The following ZNF280D variants were observed in gnomAD, a reference collection of about 807,000 sequenced individuals.
ZNF280D encodes zinc finger protein 280D, also known as suppressor of hairy wing homolog 4.
ZNF280D carries 39 observed loss-of-function variants against 94.7 expected under a neutral mutation model. The ratio of observed to expected loss-of-function variants is 0.41; its 90% CI spans 0.32 to 0.54. The LOEUF is 0.54. ZNF280D is among the 20% of genes least tolerant of loss of function. The pLI, the probability that ZNF280D is intolerant of heterozygous loss-of-function variation, is 0.22. For missense variants in ZNF280D, 1,090 were observed against 1,149.3 expected (o/e 0.95, Z 0.75); for synonymous variants, 398 against 377.6 (o/e 1.05, Z -0.63).
At chr15:56,681,160 A>G (rs1024516490) in intron 10 of ZNF280D, among the ~76,000 whole-genome samples, 3 of 152,242 alleles carry the variant, frequency 2.0e-5, no homozygotes, top group African/African-American at 7.2e-5. Context: ...TAACTGTTAT[A>G]GGTGTATATC....
At chr15:56,640,875 C>G (rs1475325055) in intron 20 of ZNF280D, among the ~76,000 whole-genome samples, 1 of 152,136 alleles carries the variant, frequency 6.6e-6, no homozygotes, top group Non-Finnish European at 1.5e-5. Context: ...CTGCTTTAAA[C>G]TATTTCATAT....
At chr15:56,642,178 A>C (rs975801512) in intron 20 of ZNF280D, among the ~76,000 whole-genome samples, 5 of 151,786 alleles carry the variant, frequency 3.3e-5, no homozygotes. Context: ...AGATTAAAAA[A>C]TTTAAAAACC....
intron 1 of ZNF280D, among the ~76,000 whole-genome samples, chr15:56,711,978 T>C (rs2057783258): frequency 6.6e-6 from 1 of 152,166 alleles, no homozygotes; most frequent in African/African-American, 2.4e-5. Context: ...AATCACTAGG[T>C]AATAGGAATT....
At chr15:56,681,483 T>A (rs1486782397) in intron 10 of ZNF280D, among the ~76,000 whole-genome samples, 3 of 152,180 alleles carry the variant, frequency 2.0e-5, no homozygotes, top group African/African-American at 7.2e-5. Flanking sequence ...AAGGGTCCAA[T>A]GTGAAATTTT....
intron 3 of ZNF280D, 27 bp downstream of exon 3, chr15:56,707,055 A>C (rs1567015948): frequency 6.2e-7 from 1 of 1,608,516 alleles, no homozygotes; most frequent in Non-Finnish European, 8.5e-7. Flanking sequence ...CACATATATT[A>C]GTATTAGTTG....
At chr15:56,683,261 A>G (rs910689773) in intron 9 of ZNF280D, among the ~76,000 whole-genome samples, 1 of 152,152 alleles carries the variant, frequency 6.6e-6, no homozygotes, top group Non-Finnish European at 1.5e-5. Context: ...CTTGTAGTGA[A>G]TTAGGGTGAA....
chr15:56,686,027 A>G (rs1566980536), intron 9 of ZNF280D, among the ~76,000 whole-genome samples: 1 of 152,256 alleles, frequency 6.6e-6, no homozygotes, highest in African/African-American at 2.4e-5. Context: ...AATGGAAACC[A>G]TAACAGGGGT....
intron 6 of ZNF280D, chr15:56,699,196 C>T (rs1443128564): frequency 5.4e-6 from 1 of 185,044 alleles, no homozygotes; most frequent in Non-Finnish European, 1.0e-5. Flanking sequence ...CAGGCCAACA[C>T]AAATAAATAA....
intron 9 of ZNF280D, among the ~76,000 whole-genome samples, chr15:56,682,934 A>C (rs1052388982): frequency 6.6e-6 from 1 of 152,066 alleles, no homozygotes; most frequent in Non-Finnish European, 1.5e-5. Flanking sequence ...AAATATACAA[A>C]AATTATATAA....
chr15:56,640,110 T>G (rs2052555790), intron 20 of ZNF280D, among the ~76,000 whole-genome samples: 1 of 151,602 alleles, frequency 6.6e-6, no homozygotes, highest in African/African-American at 2.4e-5. Flanking sequence ...TCCAGAAAAA[T>G]AACATAAGGT....
intron 4 of ZNF280D, among the ~76,000 whole-genome samples, chr15:56,703,175 A>G (rs1471431265): frequency 6.6e-6 from 1 of 152,200 alleles, no homozygotes; most frequent in Admixed American, 6.5e-5. Flanking sequence ...TCTCTAATTC[A>G]AAGCTAATAA....
intron 17 of ZNF280D, among the ~76,000 whole-genome samples, chr15:56,655,368 T>G (rs1300482840): frequency 6.6e-6 from 1 of 152,078 alleles, no homozygotes; most frequent in Non-Finnish European, 1.5e-5. Context: ...CTACCACACC[T>G]GGCTAATTTT....
intron 17 of ZNF280D, among the ~76,000 whole-genome samples, chr15:56,657,711 G>T (rs1212446420): frequency 1.3e-5 from 2 of 152,114 alleles, no homozygotes; most frequent in Admixed American, 1.3e-4. Flanking sequence ...TAATCAAAAA[G>T]AGATAATAAA....
At chr15:56,641,838 A>G (rs2052643466) in intron 20 of ZNF280D, among the ~76,000 whole-genome samples, 1 of 151,828 alleles carries the variant, frequency 6.6e-6, no homozygotes, top group Non-Finnish European at 1.5e-5. Context: ...GAGTATAGGA[A>G]ATGGTAAAAA....
At chr15:56,700,326 TA>T in intron 6 of ZNF280D, 2 of 470,124 alleles carry the variant, frequency 4.3e-6, no homozygotes, top group Non-Finnish European at 5.6e-6. Flanking sequence ...TTTCCTCAAC[TA>T]AAAAATGAGG....
chr15:56,673,597 C>T (rs1326077017), intron 13 of ZNF280D, among the ~76,000 whole-genome samples: 1 of 152,016 alleles, frequency 6.6e-6, no homozygotes, highest in Non-Finnish European at 1.5e-5. Flanking sequence ...CATGGCACAT[C>T]TTTTTATATG....
intron 13 of ZNF280D, among the ~76,000 whole-genome samples, chr15:56,671,177 G>C (rs1403992831): frequency 6.6e-6 from 1 of 151,972 alleles, no homozygotes; most frequent in African/African-American, 2.4e-5. Flanking sequence ...TCTTTAATTA[G>C]ATCTCATGTG....
intron 1 of ZNF280D, among the ~76,000 whole-genome samples, chr15:56,729,555 G>A (rs2058786537): frequency 6.6e-6 from 1 of 152,184 alleles, no homozygotes; most frequent in South Asian, 2.1e-4. Context: ...GACTACAGAA[G>A]TGACACATTC....
intron 1 of ZNF280D, among the ~76,000 whole-genome samples, chr15:56,720,346 T>G (rs2058289126): frequency 6.6e-6 from 1 of 152,186 alleles, no homozygotes; most frequent in Admixed American, 6.5e-5. Flanking sequence ...TTACAGCACT[T>G]AGTCACATCT....
Sources: gnomAD v4.1 joint callset for allele counts (sites outside exome capture counted in the v4.1 genomes callset) on GRCh38, gnomAD v4.1.1 for gene constraint, MANE v1.5 for transcripts, NCBI Gene and HGNC (gene_info 2026-07-23, HGNC 2026-07-21) for gene names.